POP1: variants seen among roughly 807,000 people sequenced by gnomAD.
POP1 encodes the protein ribonucleases P/MRP protein subunit POP1.
In POP1, 75 loss-of-function variants were observed where a neutral mutation model predicts 102.2. The observed-to-expected ratio is 0.73, with a 90% CI of 0.61 to 0.89. The LOEUF (loss-of-function observed/expected upper bound fraction) is 0.89, where lower values mean the gene tolerates loss of function less well. Among genes scored for constraint, POP1 ranks in the 40% least tolerant of loss-of-function variants. POP1 has a pLI of 0.00. For synonymous variants in POP1, 436 were observed against 464.1 expected, an observed-to-expected ratio of 0.94 and a Z score of 0.78; for missense variants, 1,116 against 1,267.4, an observed-to-expected ratio of 0.88 and a Z score of 1.81.
Position 98,158,099 on chromosome 8 carries a change from C to T in POP1, c.2903C>T (p.Thr968Ile). The change falls in exon 16 of 16, where the codon ACT becomes ATT. Residue 968 changes from threonine (T) to isoleucine (I), a missense_variant. Coordinates refer to ENST00000401707, the MANE Select transcript of POP1 (RefSeq NM_001145860.2). Reference sequence around the variant, plus strand: ...TCCAGAACTCTCCTAGGCTTTGTGACTCAGGGAGATTTTTCCATGGCTGTT... The same window carrying T: ...TCCAGAACTCTCCTAGGCTTTGTGATTCAGGGAGATTTTTCCATGGCTGTT... The part of the protein sequence containing the change: ...HCSRTLLGFV[T>I]QGDFSMAVGC... 1 of 1,605,318 alleles carries T rather than the reference C, an allele frequency of 6.2e-7. No individual in the cohort carries two copies. Among genetic ancestry groups the T allele is most frequent in the Non-Finnish European group, 8.5e-7 (1 of 1,176,396 alleles).
Position 98,127,710 on chromosome 8 carries a change from A to G in POP1, c.258A>G (p.Gly86=), listed in dbSNP as rs1293541601. Residue 86 remains glycine, a synonymous_variant, in exon 3 of 16, where the codon GGA becomes GGG. Transcript: ENST00000401707. ...AAGGGATGTTTAGAAAAAAGGGAGG[A>G]TGGAAAGCAGGTCCCGAGGGCACGT... is the stretch of plus-strand genomic sequence containing the variant. ...SSKGMFRKKG[G]WKAGPEGTSQ... is the part of the protein sequence containing the mutation. The G allele has an allele frequency of 6.2e-7, 1 of 1,614,058 alleles. No individual in the cohort carries two copies. The highest frequency in any genetic ancestry group is 2.2e-5 in the East Asian group (1 of 44,880).
chr8:98,121,586 C>G (rs973715696), intron 1 of POP1, among the ~76,000 whole-genome samples: 58 of 145,118 alleles, frequency 4.0e-4, no homozygotes, highest in African/African-American at 1.4e-3. Flanking sequence ...GTGATCATCT[C>G]GGCTCAATGC....
At chr8:98,145,758 T>A (rs1390036726) in intron 11 of POP1, among the ~76,000 whole-genome samples, 4 of 151,906 alleles carry the variant, frequency 2.6e-5, no homozygotes, top group African/African-American at 9.7e-5. Flanking sequence ...ATACCAAAAT[T>A]AGCCAGGCAT....
In POP1 at chr8:98,146,376, G is replaced by A. The variant is rs62522197; in HGVS notation, c.1595-192G>A. ...ATCAATACCAGAAAAAACTGCTTAG[G>A]AGCCTTTGCTATGTCATAGACTGTA... is the stretch of plus-strand genomic sequence containing the variant. On this transcript the variant is annotated intron_variant, in intron 11 of 15. Transcript: ENST00000401707. 0.13 allele frequency among the ~76,000 whole-genome samples: 19,352 copies of A among 152,252 alleles called. 1,333 individuals are homozygous for A. Among genetic ancestry groups the A allele is most frequent in the Middle Eastern group, 0.26 (77 of 294 alleles).
At chr8:98,138,043 CT>C (rs1230044518) in intron 9 of POP1, among the ~76,000 whole-genome samples, 1 of 152,206 alleles carries the variant, frequency 6.6e-6, no homozygotes, top group Admixed American at 6.5e-5. Flanking sequence ...TTCACTGCTT[CT>C]GCTGTACTCT....
intron 5 of POP1, among the ~76,000 whole-genome samples, chr8:98,133,734 A>T (rs1003333486): frequency 6.6e-6 from 1 of 152,182 alleles, no homozygotes; most frequent in Non-Finnish European, 1.5e-5. Flanking sequence ...GTTTAAAAAT[A>T]TTTGTTAAGG....
chr8:98,123,425 A>G lies in POP1; in HGVS notation c.88A>G (p.Arg30Gly). 6.2e-7 allele frequency: 1 copy of G among 1,614,176 alleles called. No homozygotes were observed. The highest frequency in any genetic ancestry group is 1.7e-5 in the Admixed American group (1 of 60,026). Residue 30 changes from arginine to glycine, a missense_variant, in exon 2 of 16, where the codon AGA (arginine) becomes GGA (glycine). Transcript: ENST00000401707. ...VTLSSGFVAD[R>G]GVKHHSGGEK... ...TCTGTCCTCTGGCTTTGTGGCTGACAGAGGTGTAAAGCACCACAGTGGAGG... is the reference window on the plus strand; with the variant it reads ...TCTGTCCTCTGGCTTTGTGGCTGACGGAGGTGTAAAGCACCACAGTGGAGG...
chr8:98,143,969 CAG>C (rs751249862), intron 11 of POP1, among the ~76,000 whole-genome samples: 4 of 151,254 alleles, frequency 2.6e-5, no homozygotes, highest in East Asian at 2.0e-4. Context: ...GCTTGGCTAA[CAG>C]GGTGAAACCC....
chr8:98,149,683 G>A (rs760021487), intron 13 of POP1, among the ~76,000 whole-genome samples: 1 of 152,106 alleles, frequency 6.6e-6, no homozygotes, highest in Middle Eastern at 3.2e-3. Flanking sequence ...CTTGAACCTG[G>A]GAGGCGGAGT....
In POP1 at chr8:98,159,465, C is replaced by T. The variant is rs1458773362; in HGVS notation, c.*1194C>T. On this transcript the variant is annotated 3_prime_UTR_variant, in exon 16 of 16. Coordinates refer to ENST00000401707, the MANE Select transcript of POP1 (RefSeq NM_001145860.2). ...AACTATGGAGAAACTCAGTGCTCAT[C>T]TACTTTAAGTTTCCACATATGGCTT... 3 of 152,214 alleles carry T rather than the reference C, an allele frequency of 2.0e-5. No individual in the cohort carries two copies. Among genetic ancestry groups the T allele is most frequent in the South Asian group, 2.1e-4 (1 of 4,838 alleles). The allele number at this position is 152,214 out of a possible 1,614,324, so 9.4% of individuals were successfully genotyped here. A position where few individuals can be genotyped will look rare whatever the true frequency, so the allele number is the denominator to read the frequency against.
chr8:98,149,216 C>T (rs944883288), intron 13 of POP1, among the ~76,000 whole-genome samples: 3 of 152,072 alleles, frequency 2.0e-5, no homozygotes, highest in Admixed American at 6.6e-5. Flanking sequence ...GCTGACATAT[C>T]GTCAATTGTT....
intron 1 of POP1, among the ~76,000 whole-genome samples, chr8:98,121,879 G>T (rs1217098947): frequency 6.6e-6 from 1 of 151,904 alleles, no homozygotes; most frequent in Non-Finnish European, 1.5e-5. Flanking sequence ...TAGAGACGGG[G>T]TTTCACTGTG....
chr8:98,138,514 C>T (rs577207107), intron 9 of POP1, among the ~76,000 whole-genome samples: 3 of 152,298 alleles, frequency 2.0e-5, no homozygotes, highest in South Asian at 2.1e-4. Context: ...CTTTCCTGAT[C>T]CCCCAAGTTA....
chr8:98,129,149 G>A (rs1253552248), intron 4 of POP1, among the ~76,000 whole-genome samples: 1 of 152,086 alleles, frequency 6.6e-6, no homozygotes, highest in Non-Finnish European at 1.5e-5. Flanking sequence ...CCCTCTTACC[G>A]AGTGGTTTTG....
chr8:98,127,458 T>C, intron 2 of POP1, 137 bp from the exon 3 acceptor site: 2 of 1,012,158 alleles, frequency 2.0e-6, no homozygotes, highest in Non-Finnish European at 1.5e-6. Context: ...TCTTTAAAAA[T>C]AAGTAGTAAT....
intron 13 of POP1, among the ~76,000 whole-genome samples, chr8:98,149,711 A>G (rs1809466194): frequency 6.6e-6 from 1 of 152,162 alleles, no homozygotes; most frequent in Non-Finnish European, 1.5e-5. Flanking sequence ...AGCTGAGATC[A>G]TACCACTGCA....
intron 7 of POP1, 128 bp from the exon 8 acceptor site, chr8:98,136,354 G>A: frequency 3.1e-6 from 3 of 982,472 alleles, no homozygotes; most frequent in Non-Finnish European, 4.4e-6. Flanking sequence ...GGGATTACAG[G>A]TATGAGCCAC....
chr8:98,119,680 G>A (rs2130568012), intron 1 of POP1, among the ~76,000 whole-genome samples: 1 of 152,148 alleles, frequency 6.6e-6, no homozygotes. Context: ...CCTGTCTCAA[G>A]CGATCTTCCC....
intron 2 of POP1, among the ~76,000 whole-genome samples, chr8:98,125,470 G>C (rs1191609361): frequency 6.6e-6 from 1 of 152,090 alleles, no homozygotes; most frequent in Non-Finnish European, 1.5e-5. Context: ...ACAGGCGTGA[G>C]CCACTGTACC....
Sources: gnomAD v4.1 joint callset for allele counts (sites outside exome capture counted in the v4.1 genomes callset) on GRCh38, gnomAD v4.1.1 for gene constraint, MANE v1.5 for transcripts, NCBI Gene and HGNC (gene_info 2026-07-23, HGNC 2026-07-21) for gene names.